The following AKR1B10 variants were observed in gnomAD, a reference collection of about 807,000 sequenced individuals.
AKR1B10 encodes the protein aldo-keto reductase family 1 member B10.
In AKR1B10, 39 loss-of-function variants were observed where a neutral mutation model predicts 38.9. The observed-to-expected ratio is 1.00, with a 90% CI of 0.78 to 1.31. AKR1B10 has a LOEUF of 1.31. AKR1B10 is among the 50% of genes most tolerant of loss of function. The pLI, the probability that AKR1B10 is intolerant of heterozygous loss-of-function variation, is 0.00. For synonymous variants in AKR1B10, 148 were observed against 141.2 expected (o/e 1.05, Z -0.34); for missense variants, 361 against 382.6 (o/e 0.94, Z 0.47).
In AKR1B10 at chr7:134,537,627, A is replaced by T. The variant is rs751327014; in HGVS notation, c.707A>T (p.Glu236Val). 3.1e-6 allele frequency: 5 copies of T among 1,614,010 alleles called. No individual in the cohort carries two copies. The East Asian group carries it at 1.1e-4, about 36-fold the overall frequency. ...PSLLEDPKIKEIAAKHKKTAA... is the reference protein window; with the variant it reads ...PSLLEDPKIKVIAAKHKKTAA... ...CTGCTGGAGGATCCCAAGATTAAGG[A>T]GATTGCTGCAAAGCACAAAAAAACC... Residue 236 changes from glutamate (E) to valine (V), a missense_variant, in exon 7 of 10, where the codon GAG becomes GTG. This residue lies in a region of AKR1B10 where 132 missense variants were observed against 134.6 expected (regional missense o/e 0.98). Transcript: ENST00000359579.
chr7:134,538,810 G>A (rs924719347), intron 8 of AKR1B10, 125 bp from the exon 9 acceptor site: 11 of 1,097,856 alleles, frequency 1.0e-5, no homozygotes, highest in Non-Finnish European at 1.3e-5. Flanking sequence ...GGACAGAATG[G>A]GAAAAACTCC....
At chr7:134,528,165 G>A (rs1233858409) in intron 1 of AKR1B10, among the ~76,000 whole-genome samples, 188 bp downstream of exon 1, 1 of 152,200 alleles carries the variant, frequency 6.6e-6, no homozygotes, top group African/African-American at 2.4e-5. Context: ...TCCAAGGCTG[G>A]CTTTCCCAGC....
At chr7:134,533,797 C>T (rs1045647006) in intron 4 of AKR1B10, among the ~76,000 whole-genome samples, 1 of 152,166 alleles carries the variant, frequency 6.6e-6, no homozygotes, top group Non-Finnish European at 1.5e-5. Flanking sequence ...ACCTGTTTCA[C>T]GTCATTCACA....
Position 134,541,207 on chromosome 7 carries a change from G to T in AKR1B10, c.*118G>T. The T allele has an allele frequency of 2.7e-6, 2 of 741,602 alleles. No individual in the cohort carries two copies. The highest frequency in any genetic ancestry group is 3.5e-5 in the South Asian group (2 of 56,886). The allele number at this position is 741,602 out of a possible 1,614,324, so 45.9% of individuals were successfully genotyped here. On this transcript the variant is annotated 3_prime_UTR_variant, in exon 10 of 10. Transcript: ENST00000359579. Reference sequence around the variant, plus strand: ...TTAAGATCACAGTGAACTTAGTCCTGTTATAGACGAGAATCGAGGTGCTGT... The same window carrying T: ...TTAAGATCACAGTGAACTTAGTCCTTTTATAGACGAGAATCGAGGTGCTGT...
chr7:134,536,803 C>T, intron 5 of AKR1B10, 31 bp downstream of exon 5: 1 of 1,612,820 alleles, frequency 6.2e-7, no homozygotes, highest in Non-Finnish European at 8.5e-7. Context: ...GGGTAAGGGT[C>T]CTGCCCTATT....
In AKR1B10 at chr7:134,536,499, C is replaced by G. The variant is rs577103050; in HGVS notation, c.430-151C>G. 1.0e-5 allele frequency: 13 copies of G among 1,301,570 alleles called. No homozygotes were observed. In the African/African-American group the frequency reaches 1.2e-4, roughly 12 times the overall value. The allele number at this position is 1,301,570 out of a possible 1,614,324, so 80.6% of individuals were successfully genotyped here. ...GCTGGAACCAGTCACTGATGGGCAC[C>G]CAGGCCCTGGACTAAAATTTCCTGT... On this transcript the variant is annotated intron_variant, in intron 4 of 9. Transcript: ENST00000359579.
In AKR1B10 at chr7:134,541,216, G is replaced by C. The variant is rs962006556; in HGVS notation, c.*127G>C. 3.0e-6 allele frequency: 2 copies of C among 667,582 alleles called. No individual in the cohort carries two copies. The highest frequency in any genetic ancestry group is 5.7e-5 in the East Asian group (2 of 35,256). 41.4% of individuals were successfully genotyped at this position (667,582 alleles called of 1,614,324 possible). ...CAGTGAACTTAGTCCTGTTATAGAC[G>C]AGAATCGAGGTGCTGTTTTAGACAT... On this transcript the variant is annotated 3_prime_UTR_variant, in exon 10 of 10. Coordinates refer to ENST00000359579, the MANE Select transcript of AKR1B10 (RefSeq NM_020299.5).
intron 9 of AKR1B10, among the ~76,000 whole-genome samples, chr7:134,540,294 A>C (rs1035190470): frequency 1.1e-4 from 16 of 152,122 alleles, no homozygotes; most frequent in Middle Eastern, 3.2e-3. Flanking sequence ...TGCCCACCCT[A>C]AGTATCATAG....
chr7:134,541,064 A>G lies in AKR1B10; in HGVS notation c.926A>G (p.Asp309Gly), dbSNP rs1355629626. The G allele has an allele frequency of 1.3e-6, 2 of 1,579,968 alleles. No homozygotes were observed. Among genetic ancestry groups the G allele is most frequent in the Non-Finnish European group, 1.7e-6 (2 of 1,150,380 alleles). The change falls in exon 10 of 10, where the codon GAC becomes GGC. Residue 309 changes from aspartate to glycine, a missense_variant. By Grantham distance (94) the Asp-to-Gly change is moderately conservative. Coordinates refer to ENST00000359579, the MANE Select transcript of AKR1B10 (RefSeq NM_020299.5). ...TCCTGCAGATCCTCTCATTTGGAAG[A>G]CTATCCCTTCAATGCAGAATATTGA... Reference protein sequence around the residue: ...CNVLQSSHLEDYPFNAEY With the variant: ...CNVLQSSHLEGYPFNAEY
chr7:134,530,574 G>A, intron 1 of AKR1B10, 69 bp from the exon 2 acceptor site: 1 of 1,574,906 alleles, frequency 6.3e-7, no homozygotes, highest in South Asian at 1.1e-5. Context: ...AGGCCAGCCT[G>A]GGCAACACGG....
intron 1 of AKR1B10, among the ~76,000 whole-genome samples, chr7:134,530,263 AGACATTTCAG>A (rs1455180392): frequency 6.6e-6 from 1 of 152,228 alleles, no homozygotes; most frequent in Non-Finnish European, 1.5e-5. Context: ...ACACACCTGA[AGACATTTCAG>A]GACTAACCTG....
In AKR1B10 at chr7:134,531,808, G is replaced by T. The variant is rs143797989; in HGVS notation, c.235-100G>T. ...TCAGCTTTGTTACAAATGGCTTGTG[G>T]TGGGTTAGATGAGGATGCAAATCAA... On this transcript the variant is annotated intron_variant, in intron 2 of 9. Coordinates refer to ENST00000359579, the MANE Select transcript of AKR1B10 (RefSeq NM_020299.5). 9.7e-3 allele frequency: 13,165 copies of T among 1,357,618 alleles called. 105 individuals are homozygous for T. The highest frequency in any genetic ancestry group is 0.012 in the Non-Finnish European group (11,596 of 955,566). The allele number at this position is 1,357,618 out of a possible 1,614,324, so 84.1% of individuals were successfully genotyped here.
chr7:134,528,442 G>A (rs1392757003), intron 1 of AKR1B10, among the ~76,000 whole-genome samples: 1 of 152,264 alleles, frequency 6.6e-6, no homozygotes, highest in East Asian at 1.9e-4. Flanking sequence ...AATGCAAACT[G>A]GCCAGGTGTG....
At position 134,538,202 on chromosome 7, in the gene AKR1B10, C is replaced by G. The variant is rs1217959029; in HGVS notation, c.750C>G (p.Ile250Met). 2 of 1,614,054 alleles carry G rather than the reference C, an allele frequency of 1.2e-6. No individual in the cohort carries two copies. Among genetic ancestry groups the G allele is most frequent in the African/African-American group, 1.3e-5 (1 of 75,042 alleles). Residue 250 changes from isoleucine (I) to methionine (M), a missense_variant, in exon 8 of 10, where the codon ATC (isoleucine) becomes ATG (methionine). Transcript: ENST00000359579. The part of the protein sequence containing the change: ...KHKKTAAQVL[I>M]RFHIQRNVIV... ...GTCCCCTTTCCGCATAGGTTCTGAT[C>G]CGTTTCCATATCCAGAGGAATGTGA...
At chr7:134,530,863 C>T in intron 2 of AKR1B10, 53 bp downstream of exon 2, 2 of 1,562,474 alleles carry the variant, frequency 1.3e-6, no homozygotes, top group South Asian at 2.5e-5. Context: ...GCAGAAGTAT[C>T]TGGGTCGGGT....
Position 134,527,911 on chromosome 7 carries a change from C to G in AKR1B10, c.-1C>G. 6.2e-7 allele frequency: 1 copy of G among 1,613,324 alleles called. No individual in the cohort carries two copies. The highest frequency in any genetic ancestry group is 8.5e-7 in the Non-Finnish European group (1 of 1,179,942). On this transcript the variant is annotated 5_prime_UTR_variant, in exon 1 of 10. Transcript: ENST00000359579. ...CACTCAGAATCATTTCTGCACCAACCATGGCCACGTTTGTGGAGCTCAGTA... is the reference window on the plus strand; with the variant it reads ...CACTCAGAATCATTTCTGCACCAACGATGGCCACGTTTGTGGAGCTCAGTA...
intron 2 of AKR1B10, 151 bp downstream of exon 2, chr7:134,530,961 C>A: frequency 1.7e-6 from 2 of 1,180,372 alleles, no homozygotes; most frequent in South Asian, 1.7e-5. Flanking sequence ...ACTATCCATA[C>A]TCCAAGCCAT....
intron 1 of AKR1B10, among the ~76,000 whole-genome samples, chr7:134,529,114 C>T (rs1047526996): frequency 2.0e-5 from 3 of 152,168 alleles, no homozygotes; most frequent in African/African-American, 4.8e-5. Context: ...CCTCTTCTCT[C>T]CTGTCCCTCA....
In AKR1B10 at chr7:134,538,216, A is replaced by G; in HGVS notation, c.764A>G (p.Gln255Arg). The change falls in exon 8 of 10, where the codon CAG becomes CGG. Residue 255 changes from glutamine (Q) to arginine (R), a missense_variant. Gln to Arg is a conservative substitution (Grantham distance 43, BLOSUM62 1). This residue lies in a region of AKR1B10 where 132 missense variants were observed against 134.6 expected (regional missense o/e 0.98). Coordinates refer to ENST00000359579, the MANE Select transcript of AKR1B10 (RefSeq NM_020299.5). ...TAGGTTCTGATCCGTTTCCATATCCAGAGGAATGTGATTGTCATCCCCAAG... is the reference window on the plus strand; with the variant it reads ...TAGGTTCTGATCCGTTTCCATATCCGGAGGAATGTGATTGTCATCCCCAAG... ...AAQVLIRFHIQRNVIVIPKSV... is the reference protein window; with the variant it reads ...AAQVLIRFHIRRNVIVIPKSV... The G allele has an allele frequency of 6.2e-7, 1 of 1,614,008 alleles. No homozygotes were observed.
Sources: gnomAD v4.1 joint callset for allele counts (sites outside exome capture counted in the v4.1 genomes callset) on GRCh38, gnomAD v4.1.1 for gene constraint, gnomAD v4.1.1 regional missense constraint, MANE v1.5 for transcripts, NCBI Gene and HGNC (gene_info 2026-07-23, HGNC 2026-07-21) for gene names.